The following ZNF846 variants were observed in gnomAD, a reference collection of about 807,000 sequenced individuals.
The protein encoded by ZNF846 is zinc finger protein 420 pseudogene.
A neutral mutation model predicts 16.0 loss-of-function variants in ZNF846; 15 were observed. The observed-to-expected ratio is 0.94, with a 90% CI of 0.63 to 1.45. The LOEUF is 1.45. Among genes scored for constraint, ZNF846 ranks in the 40% most tolerant of loss-of-function variants. The probability of loss-of-function intolerance (pLI) is 0.00; values close to 1 mark genes in which losing one functional copy is unlikely to be tolerated. For synonymous variants in ZNF846, 229 were observed against 212.0 expected (o/e 1.08, Z -0.70); for missense variants, 714 against 622.3 (o/e 1.15, Z -1.57).
At chr19:9,775,824 T>C (rs994478698) in intron 1 of ZNF846, among the ~76,000 whole-genome samples, 1 of 152,154 alleles carries the variant, frequency 6.6e-6, no homozygotes, top group Non-Finnish European at 1.5e-5. Context: ...TGTTCCAGTA[T>C]AATAAAACAT....
chr19:9,768,945 C>G (rs1368852210), upstream of ZNF846, among the ~76,000 whole-genome samples: 1 of 152,096 alleles, frequency 6.6e-6, no homozygotes, highest in Non-Finnish European at 1.5e-5. Flanking sequence ...GGAACGACGC[C>G]GGACCAGGAA....
chr19:9,759,062 G>A (rs1020109677), intron 5 of ZNF846, among the ~76,000 whole-genome samples: 3 of 151,686 alleles, frequency 2.0e-5, no homozygotes, highest in South Asian at 2.1e-4. Context: ...GCAGTGGCAC[G>A]ATCTTGACTC....
At chr19:9,763,357 T>C (rs751943705) in exon 3 of ZNF846, 3 of 1,611,440 alleles carry the variant, frequency 1.9e-6, no homozygotes, top group East Asian at 4.5e-5. Flanking sequence ...TCCAACAAAG[T>C]CCACTCCTCC....
At position 9,759,557 on chromosome 19, in the gene ZNF846, T is replaced by C. The variant is rs990304251; in HGVS notation, c.312+303A>G. ...AACAGAGGTTGCAGTGAGCCAAGAC[T>C]GCACCATTGCACACCAGCCTGAGCA... On this transcript the variant is annotated intron_variant, in intron 5 of 5. Transcript: ENST00000397902. Among the ~76,000 whole-genome samples, 20 of 151,806 alleles carry C rather than the reference T, an allele frequency of 1.3e-4. No individual in the cohort carries two copies. The East Asian group carries it at 3.3e-3, about 25-fold the overall frequency.
upstream of ZNF846, among the ~76,000 whole-genome samples, chr19:9,770,151 T>G (rs1306759302): frequency 6.6e-6 from 1 of 152,162 alleles, no homozygotes; most frequent in Non-Finnish European, 1.5e-5. Context: ...CATATATTTG[T>G]GCATCGATCA....
downstream of ZNF846, among the ~76,000 whole-genome samples, chr19:9,750,912 T>C (rs1211837080): frequency 6.6e-6 from 1 of 152,212 alleles, no homozygotes; most frequent in Non-Finnish European, 1.5e-5. Context: ...AGGAGGACTC[T>C]GCATATTTCT....
At chr19:9,763,103 C>A (rs528631563) in intron 3 of ZNF846, among the ~76,000 whole-genome samples, 179 bp downstream of exon 3, 6 of 151,558 alleles carry the variant, frequency 4.0e-5, no homozygotes, top group Admixed American at 3.9e-4. Context: ...AGAGACCATG[C>A]CACTGCACTC....
At chr19:9,783,463 A>G (rs1363924272) in intron 1 of ZNF846, among the ~76,000 whole-genome samples, 3 of 144,920 alleles carry the variant, frequency 2.1e-5, no homozygotes, top group African/African-American at 7.6e-5. Flanking sequence ...GCAGTGTGCT[A>G]TGATTGCCAC....
intron 1 of ZNF846, among the ~76,000 whole-genome samples, chr19:9,781,999 A>C (rs1202493784): frequency 6.6e-6 from 1 of 151,806 alleles, no homozygotes; most frequent in Non-Finnish European, 1.5e-5. Context: ...CTGGTCTCGA[A>C]CTCCTGACTC....
chr19:9,758,120 G>A (rs1431217492), exon 6 of ZNF846: 1 of 1,613,576 alleles, frequency 6.2e-7, no homozygotes, highest in South Asian at 1.1e-5. Context: ...TGGATCTAGT[G>A]AAGGCTTTTC....
upstream of ZNF846, among the ~76,000 whole-genome samples, chr19:9,769,620 G>C (rs560326515): frequency 6.6e-6 from 1 of 152,170 alleles, no homozygotes; most frequent in African/African-American, 2.4e-5. Flanking sequence ...TGTAGTCCTA[G>C]CTACTGCGGG....
upstream of ZNF846, among the ~76,000 whole-genome samples, chr19:9,770,052 C>T (rs1025272033): frequency 2.0e-5 from 3 of 151,252 alleles, no homozygotes; most frequent in South Asian, 6.2e-4. Context: ...TCAGTTCCTT[C>T]TTTAGGCCTT....
chr19:9,777,945 C>A (rs2145309756), intron 1 of ZNF846, among the ~76,000 whole-genome samples: 1 of 152,204 alleles, frequency 6.6e-6, no homozygotes, highest in Non-Finnish European at 1.5e-5. Context: ...CAGAAAAAAC[C>A]CAGCAAACAC....
At chr19:9,773,411 AGTGT>A (rs376059174), upstream of ZNF846, among the ~76,000 whole-genome samples, 2 of 151,864 alleles carry the variant, frequency 1.3e-5, no homozygotes, top group African/African-American at 4.8e-5. Flanking sequence ...CCTATAGCTG[AGTGT>A]GTGTGTGTGT....
chr19:9,758,565 T>A (rs2045172249), exon 6 of ZNF846: 1 of 1,612,868 alleles, frequency 6.2e-7, no homozygotes, highest in East Asian at 2.2e-5. Flanking sequence ...TTTAACACAC[T>A]TAGGCATTTT....
intron 1 of ZNF846, among the ~76,000 whole-genome samples, chr19:9,781,633 A>G (rs1262334981): frequency 6.6e-6 from 1 of 152,134 alleles, no homozygotes; most frequent in African/African-American, 2.4e-5. Flanking sequence ...GACTGTCTTG[A>G]TATAAAATCC....
intron 1 of ZNF846, among the ~76,000 whole-genome samples, chr19:9,776,313 T>C (rs894784240): frequency 2.0e-5 from 3 of 151,632 alleles, no homozygotes; most frequent in African/African-American, 7.3e-5. Context: ...CCTGTGATGC[T>C]GTGCTTCAGT....
upstream of ZNF846, among the ~76,000 whole-genome samples, chr19:9,771,918 C>T (rs1438175716): frequency 6.6e-6 from 1 of 152,104 alleles, no homozygotes; most frequent in African/African-American, 2.4e-5. Flanking sequence ...CAGGTGCACA[C>T]CACCATGCCC....
intron 1 of ZNF846, among the ~76,000 whole-genome samples, chr19:9,767,397 A>AG (rs1337372265): frequency 3.3e-5 from 5 of 152,124 alleles, no homozygotes; most frequent in Non-Finnish European, 7.4e-5. Flanking sequence ...GGCCTCCCAA[A>AG]GTGCCAGGAT....
Sources: allele counts gnomAD v4.1 joint callset (sites outside exome capture counted in the v4.1 genomes callset), GRCh38; gene constraint gnomAD v4.1.1; transcripts MANE v1.5; gene names NCBI Gene and HGNC (gene_info 2026-07-23, HGNC 2026-07-21).